The following STK17A variants were observed in gnomAD, a reference collection of about 807,000 sequenced individuals.
STK17A encodes the protein serine/threonine kinase 17a.
A neutral mutation model predicts 43.7 loss-of-function variants in STK17A; 26 were observed. That is an observed-to-expected ratio of 0.60 (90% CI 0.44 to 0.83). The LOEUF is 0.83. STK17A is among the 40% of genes least tolerant of loss of function. STK17A has a pLI of 0.00. For missense variants in STK17A, 476 were observed against 511.6 expected (o/e 0.93, Z 0.67); for synonymous variants, 191 against 182.5 (o/e 1.05, Z -0.38).
chr7:43,594,399 C>G (rs1234911229), intron 1 of STK17A, among the ~76,000 whole-genome samples: 1 of 152,106 alleles, frequency 6.6e-6, no homozygotes, highest in Non-Finnish European at 1.5e-5. Flanking sequence ...GAGGTCTGGT[C>G]TGTACTGCTC....
At chr7:43,586,504 CCTTT>C (rs1345397692) in intron 1 of STK17A, among the ~76,000 whole-genome samples, 1 of 151,342 alleles carries the variant, frequency 6.6e-6, no homozygotes, top group African/African-American at 2.4e-5. Context: ...AGGCTTGTTA[CCTTT>C]CTTTGAGTCA....
At chr7:43,601,529 C>CA (rs1346926967) in intron 2 of STK17A, among the ~76,000 whole-genome samples, 3 of 152,138 alleles carry the variant, frequency 2.0e-5, no homozygotes, top group Non-Finnish European at 4.4e-5. Flanking sequence ...TTTCTGTCTC[C>CA]AAAATCTCCT....
chr7:43,597,800 G>T (rs2082528484), intron 2 of STK17A, among the ~76,000 whole-genome samples: 1 of 152,016 alleles, frequency 6.6e-6, no homozygotes, highest in Non-Finnish European at 1.5e-5. Flanking sequence ...GGGAGTGGTG[G>T]TGCATGCCTG....
rs539783871 is a variant in STK17A at position 43,612,552 on chromosome 7, C to T, written c.564+4152C>T. On this transcript the variant is annotated intron_variant, in intron 3 of 6. Coordinates refer to ENST00000319357, the MANE Select transcript of STK17A (RefSeq NM_004760.3). Reference sequence around the variant, plus strand: ...TTTTCATTCTCTAAAAACTGATAATCCCAATATGTATGGTAATTTTGAATT... The same window carrying T: ...TTTTCATTCTCTAAAAACTGATAATTCCAATATGTATGGTAATTTTGAATT... 6.6e-5 allele frequency among the ~76,000 whole-genome samples: 10 copies of T among 152,312 alleles called. No homozygotes were observed. In the South Asian group the frequency reaches 1.7e-3, roughly 25 times the overall value.
chr7:43,603,975 T>C (rs2082572830), intron 2 of STK17A, among the ~76,000 whole-genome samples: 1 of 152,206 alleles, frequency 6.6e-6, no homozygotes. Flanking sequence ...CCCAAATGCT[T>C]CTGGTCCCAA....
At chr7:43,621,816 A>G (rs1163741859) in intron 4 of STK17A, among the ~76,000 whole-genome samples, 1 of 152,212 alleles carries the variant, frequency 6.6e-6, no homozygotes, top group South Asian at 2.1e-4. Flanking sequence ...AAATGATTCA[A>G]AAGTACATAA....
intron 1 of STK17A, among the ~76,000 whole-genome samples, chr7:43,591,035 T>C (rs1319887210): frequency 6.6e-6 from 1 of 151,494 alleles, no homozygotes; most frequent in Non-Finnish European, 1.5e-5. Flanking sequence ...GACTCCTCCT[T>C]GAGTGGTTTG....
At chr7:43,598,646 T>G (rs1457545793) in intron 2 of STK17A, among the ~76,000 whole-genome samples, 1 of 152,128 alleles carries the variant, frequency 6.6e-6, no homozygotes, top group Non-Finnish European at 1.5e-5. Context: ...TCACCATATA[T>G]GCAGTTGCCC....
chr7:43,599,023 C>T (rs1480445673), intron 2 of STK17A, among the ~76,000 whole-genome samples: 1 of 152,110 alleles, frequency 6.6e-6, no homozygotes, highest in Non-Finnish European at 1.5e-5. Context: ...CCTTGGCCTC[C>T]CAAAGTGCTG....
chr7:43,612,343 G>T (rs1340931024), intron 3 of STK17A, among the ~76,000 whole-genome samples: 2 of 152,182 alleles, frequency 1.3e-5, no homozygotes, highest in Non-Finnish European at 2.9e-5. Context: ...ATGCGGGAGT[G>T]ATTTCTACTA....
intron 2 of STK17A, among the ~76,000 whole-genome samples, chr7:43,601,278 G>A (rs2082552687): frequency 6.6e-6 from 1 of 152,066 alleles, no homozygotes; most frequent in Admixed American, 6.5e-5. Context: ...TTCACTTGTA[G>A]GAATCCCTTC....
chr7:43,598,469 CA>C (rs61683967), intron 2 of STK17A, among the ~76,000 whole-genome samples: 17,308 of 80,236 alleles, frequency 0.22, 1,150 homozygotes, highest in Non-Finnish European at 0.28. Flanking sequence ...GACTCCGTCT[CA>C]AAAAAAAAAA....
chr7:43,612,174 C>T (rs1355095427), intron 3 of STK17A, among the ~76,000 whole-genome samples: 1 of 152,232 alleles, frequency 6.6e-6, no homozygotes, highest in African/African-American at 2.4e-5. Flanking sequence ...AAACTGGACT[C>T]TCCATGTTTC....
At chr7:43,594,245 G>A (rs2082499974) in intron 1 of STK17A, among the ~76,000 whole-genome samples, 1 of 143,356 alleles carries the variant, frequency 7.0e-6, no homozygotes, top group African/African-American at 2.6e-5. Flanking sequence ...GCAACAGAGT[G>A]AGACCCTGTC....
rs1283331696 is a variant in STK17A at position 43,597,915 on chromosome 7, A to T, written c.419+1802A>T. ...ACTCCAGCCTGGGTGACAGAGTGAG[A>T]CTCTGTCTCAAAAAACAAAAAAAAT... On this transcript the variant is annotated intron_variant, in intron 2 of 6. Transcript: ENST00000319357. Among the ~76,000 whole-genome samples, 4 of 152,118 alleles carry T rather than the reference A, an allele frequency of 2.6e-5. No homozygotes were observed. In the East Asian group the frequency reaches 7.7e-4, roughly 29 times the overall value.
At position 43,591,137 on chromosome 7, in the gene STK17A, C is replaced by T. The variant is rs1011511436; in HGVS notation, c.207-4764C>T. ...CGACCTGCTGTCATAATGTCAGTTT[C>T]AGTGGTATGTGGTATTAGAATGATG... is the stretch of plus-strand genomic sequence containing the variant. On this transcript the variant is annotated intron_variant, in intron 1 of 6. Transcript: ENST00000319357. Among the ~76,000 whole-genome samples the T allele has an allele frequency of 1.1e-4, 17 of 151,464 alleles. 1 individual carries two copies. The highest frequency in any genetic ancestry group is 4.1e-4 in the African/African-American group (17 of 41,350).
chr7:43,594,938 ACCACCT>A (rs1389344441), intron 1 of STK17A, among the ~76,000 whole-genome samples: 1 of 151,698 alleles, frequency 6.6e-6, no homozygotes, highest in African/African-American at 2.4e-5. Context: ...GGTTAAATAA[ACCACCT>A]AAGGTTACTG....
chr7:43,615,654 G>A (rs530796807), intron 3 of STK17A, among the ~76,000 whole-genome samples: 1 of 152,152 alleles, frequency 6.6e-6, no homozygotes, highest in East Asian at 1.9e-4. Flanking sequence ...AGCCTACAAA[G>A]CCCTGTGATC....
At chr7:43,600,640 T>A (rs1248095881) in intron 2 of STK17A, among the ~76,000 whole-genome samples, 1 of 152,232 alleles carries the variant, frequency 6.6e-6, no homozygotes, top group Non-Finnish European at 1.5e-5. Context: ...AAAAGCGATA[T>A]TCATTGATTG....
Sources: gnomAD v4.1 joint callset for allele counts (sites outside exome capture counted in the v4.1 genomes callset) on GRCh38, gnomAD v4.1.1 for gene constraint, MANE v1.5 for transcripts, NCBI Gene and HGNC (gene_info 2026-07-23, HGNC 2026-07-21) for gene names.